The following ZNF799 variants were observed in gnomAD, a reference collection of about 807,000 sequenced individuals.
ZNF799 encodes the protein zinc finger protein 799.
ZNF799 carries 28 observed loss-of-function variants against 41.0 expected under a neutral mutation model. The ratio of observed to expected loss-of-function variants is 0.68; its 90% CI spans 0.51 to 0.94. The LOEUF (loss-of-function observed/expected upper bound fraction) is 0.94, where lower values mean the gene tolerates loss of function less well. Ranked by LOEUF, ZNF799 falls within the 40% of genes least tolerant of loss-of-function variation. ZNF799 has a pLI of 0.00. For missense variants in ZNF799, 716 were observed against 764.3 expected (o/e 0.94, Z 0.74); for synonymous variants, 213 against 252.9 (o/e 0.84, Z 1.50).
the ZNF799 span, among the ~76,000 whole-genome samples, chr19:12,407,481 G>GA: frequency 1.6e-4 from 22 of 139,276 alleles, no homozygotes; most frequent in African/African-American, 6.3e-4. Context: ...AAGAGAGAGA[G>GA]AGAGAAAAAA....
the ZNF799 span, among the ~76,000 whole-genome samples, chr19:12,408,993 C>T: frequency 2.6e-5 from 4 of 152,098 alleles, no homozygotes; most frequent in Non-Finnish European, 5.9e-5. Context: ...CGAGATCGCG[C>T]CATTGCACTC....
At chr19:12,409,544 T>C in the ZNF799 span, among the ~76,000 whole-genome samples, 1 of 152,368 alleles carries the variant, frequency 6.6e-6, no homozygotes, top group East Asian at 1.9e-4. Context: ...ATTAATCAAC[T>C]GGATTTAATT....
rs745626357 is a variant in ZNF799, at chr19:12,391,357, A to C, written c.1041T>G (p.Asp347Glu). 3 of 1,614,142 alleles carry C rather than the reference A, an allele frequency of 1.9e-6. No homozygotes were observed. Among genetic ancestry groups the C allele is most frequent in the Non-Finnish European group, 2.5e-6 (3 of 1,180,010 alleles). ...CATGACTTTTCAGTGAACTAGGACA[A>C]TCAAAGCCTTTTCCACATATCTTAC... ...HKCKICGKGF[D>E]CPSSLKSHER... is the part of the protein sequence containing the mutation. The change falls in exon 4 of 4, where the codon GAT becomes GAG. Residue 347 changes from aspartate (D) to glutamate (E), a missense_variant. Around this residue, in one of 2 missense-constraint regions of ZNF799, gnomAD observed 698 missense variants for 713.6 expected, o/e 0.98. Coordinates refer to ENST00000430385, the MANE Select transcript of ZNF799 (RefSeq NM_001080821.3).
At chr19:12,409,885 G>A in the ZNF799 span, among the ~76,000 whole-genome samples, 3 of 152,218 alleles carry the variant, frequency 2.0e-5, no homozygotes, top group African/African-American at 7.2e-5. Context: ...AGTGGCTCAC[G>A]CCCATAATCC....
In ZNF799 at chr19:12,390,524, T is replaced by G. The variant is rs1448688536; in HGVS notation, c.1874A>C (p.Glu625Ala). 1 of 1,613,960 alleles carries G rather than the reference T, an allele frequency of 6.2e-7. No individual in the cohort carries two copies. The highest frequency in any genetic ancestry group is 1.1e-5 in the South Asian group (1 of 91,066). The change falls in exon 4 of 4, where the codon GAA (glutamate) becomes GCA (alanine). Residue 625 changes from glutamate to alanine, a missense_variant. Physicochemically the swap from Glu to Ala is moderately radical, Grantham distance 107. Coordinates refer to ENST00000430385, the MANE Select transcript of ZNF799 (RefSeq NM_001080821.3). ...HTGENPYGCK[E>A]CGKAFASLSS... ...GAGAGAAGCAAATGCTTTCCCACAT[T>G]CCTTACATCCATACGGGTTCTCTCC...
At chr19:12,396,438 C>T (rs1317909910) in intron 1 of ZNF799, among the ~76,000 whole-genome samples, 6 of 152,198 alleles carry the variant, frequency 3.9e-5, no homozygotes, top group Admixed American at 2.0e-4. Context: ...TCACCTGAGG[C>T]CAGGAGTTTG....
Position 12,390,074 on chromosome 19 carries a change from G to C in ZNF799, c.*392C>G, listed in dbSNP as rs1029782591. On this transcript the variant is annotated 3_prime_UTR_variant, in exon 4 of 4. Coordinates refer to ENST00000430385, the MANE Select transcript of ZNF799 (RefSeq NM_001080821.3). ...GCTGACTATACTATGTTGATAGGCT[G>C]ACAATTACTGCATCTATACTGAAAA... 6.3e-4 allele frequency: 167 copies of C among 265,798 alleles called. 1 individual carries two copies. The highest frequency in any genetic ancestry group is 1.4e-3 in the Admixed American group (28 of 20,196). 16.5% of individuals were successfully genotyped at this position (265,798 alleles called of 1,614,324 possible). A position where few individuals can be genotyped will look rare whatever the true frequency, so the allele number is the denominator to read the frequency against.
rs762534428 is a variant in ZNF799, at chr19:12,390,650, G to A, written c.1748C>T (p.Thr583Ile). The change falls in exon 4 of 4, where the codon ACT (threonine) becomes ATT (isoleucine). Residue 583 changes from threonine (T) to isoleucine (I), a missense_variant. Transcript: ENST00000430385. The part of the protein sequence containing the change: ...RFLQGHEKTH[T>I]GENPYECKEC... ...CTTACATTCATACGGGTTCTCTCCA[G>A]TATGAGTTTTTTCATGTCCTTGAAG... 1.9e-6 allele frequency: 3 copies of A among 1,613,764 alleles called. No homozygotes were observed. Among genetic ancestry groups the A allele is most frequent in the East Asian group, 4.5e-5 (2 of 44,870 alleles).
At chr19:12,400,827 G>T (rs1003998792) in intron 1 of ZNF799, 53 of 618,254 alleles carry the variant, frequency 8.6e-5, no homozygotes, top group Non-Finnish European at 7.2e-5. Context: ...GGCTGCGGGC[G>T]CGGAGCTGCC....
rs1489069030 is a variant in ZNF799 at position 12,391,318 on chromosome 19, A to C, written c.1080T>G (p.Thr360=). 10 of 1,614,184 alleles carry C rather than the reference A, an allele frequency of 6.2e-6. No individual in the cohort carries two copies. Among genetic ancestry groups the C allele is most frequent in the Non-Finnish European group, 8.5e-6 (10 of 1,180,008 alleles). The change falls in exon 4 of 4, where the codon ACT becomes ACG. Residue 360 remains threonine, a synonymous_variant. Coordinates refer to ENST00000430385, the MANE Select transcript of ZNF799 (RefSeq NM_001080821.3). ...GCTTGCATTCATAGAGTTTCTCTCC[A>C]GTGTGAGTTCTTTCATGACTTTTCA... ...SSLKSHERTH[T]GEKLYECKQC...
rs978909008 is a variant in ZNF799 at position 12,391,700 on chromosome 19, G to T, written c.698C>A (p.Ala233Asp). Reference protein sequence around the residue: ...KPYECKQCSKAFSFYSSYLRH... With the variant: ...KPYECKQCSKDFSFYSSYLRH... ...TAGATAGGAACTGTAAAAAGAAAAGGCTTTAGAACACTGCTTACATTCATA... is the reference window on the plus strand; with the variant it reads ...TAGATAGGAACTGTAAAAAGAAAAGTCTTTAGAACACTGCTTACATTCATA... Residue 233 changes from alanine (A) to aspartate (D), a missense_variant, in exon 4 of 4, where the codon GCC (alanine) becomes GAC (aspartate). Physicochemically the swap from Ala to Asp is moderately radical, Grantham distance 126. Around this residue, in one of 2 missense-constraint regions of ZNF799, gnomAD observed 698 missense variants for 713.6 expected, o/e 0.98. Transcript: ENST00000430385. The T allele has an allele frequency of 6.2e-7, 1 of 1,614,008 alleles. No individual in the cohort carries two copies. The highest frequency in any genetic ancestry group is 2.2e-5 in the East Asian group (1 of 44,862).
chr19:12,407,674 A>T, the ZNF799 span, among the ~76,000 whole-genome samples: 1 of 152,282 alleles, frequency 6.6e-6, no homozygotes, highest in South Asian at 2.1e-4. Context: ...AATATCAACA[A>T]TGTATTGGGT....
chr19:12,395,594 G>A (rs1286887585), intron 1 of ZNF799, among the ~76,000 whole-genome samples: 1 of 152,204 alleles, frequency 6.6e-6, no homozygotes, highest in African/African-American at 2.4e-5. Flanking sequence ...ACTAAGTCAT[G>A]GAGAAAAAGA....
chr19:12,410,291 A>C, the ZNF799 span, among the ~76,000 whole-genome samples: 5 of 125,978 alleles, frequency 4.0e-5, no homozygotes, highest in South Asian at 7.6e-4. Context: ...ATATATATAT[A>C]TATATATCTT....
the ZNF799 span, among the ~76,000 whole-genome samples, chr19:12,411,892 C>T: frequency 0.27 from 41,139 of 151,864 alleles, 5,897 homozygotes; most frequent in South Asian, 0.37. Flanking sequence ...AGATTACAGG[C>T]ATGAGCCACT....
Position 12,401,183 on chromosome 19 carries a change from C to G in ZNF799, c.-113G>C. ...CCAGGTCGTCTCTTAGCTACAGAGC[C>G]GAGCACCGAGCGCCCAGCGCAGGTG... On this transcript the variant is annotated 5_prime_UTR_variant, in exon 1 of 4. Coordinates refer to ENST00000430385, the MANE Select transcript of ZNF799 (RefSeq NM_001080821.3). 5.7e-6 allele frequency: 9 copies of G among 1,586,946 alleles called. No individual in the cohort carries two copies. Among genetic ancestry groups the G allele is most frequent in the East Asian group, 2.2e-5 (1 of 44,586 alleles).
At chr19:12,405,685 G>C (rs182103814), upstream of ZNF799, among the ~76,000 whole-genome samples, 1 of 152,288 alleles carries the variant, frequency 6.6e-6, no homozygotes, top group African/African-American at 2.4e-5. Flanking sequence ...TACAGTCTCT[G>C]CAAACACAGT....
At chr19:12,406,444 A>G in the ZNF799 span, among the ~76,000 whole-genome samples, 62 of 151,000 alleles carry the variant, frequency 4.1e-4, 1 homozygote, top group East Asian at 0.012. Flanking sequence ...AGATCGCGCC[A>G]CTGGACTCCA....
the ZNF799 span, among the ~76,000 whole-genome samples, chr19:12,406,450 C>CT: frequency 6.7e-6 from 1 of 150,048 alleles, no homozygotes; most frequent in African/African-American, 2.4e-5. Context: ...CGCCACTGGA[C>CT]TCCAGCCTGG....
Sources: allele counts gnomAD v4.1 joint callset (sites outside exome capture counted in the v4.1 genomes callset), GRCh38; gene constraint gnomAD v4.1.1; regional missense constraint gnomAD v4.1.1; transcripts MANE v1.5; gene names NCBI Gene and HGNC (gene_info 2026-07-23, HGNC 2026-07-21).